Variants in GUCY1A2 observed in about 807,000 individuals in gnomAD.
GUCY1A2 encodes the protein guanylate cyclase 1 soluble subunit alpha 2, also known as guanylate cyclase soluble subunit alpha-2.
A neutral mutation model predicts 63.5 loss-of-function variants in GUCY1A2; 27 were observed. That is an observed-to-expected ratio of 0.43 (90% CI 0.31 to 0.59). The LOEUF (loss-of-function observed/expected upper bound fraction) is 0.59. GUCY1A2 is among the 20% of genes least tolerant of loss of function. GUCY1A2 has a pLI of 0.11. For missense variants in GUCY1A2, 768 were observed against 913.3 expected, an observed-to-expected ratio of 0.84 and a Z score of 2.05; for synonymous variants, 364 against 343.5, an observed-to-expected ratio of 1.06 and a Z score of -0.66.
chr11:107,004,979 T>G (rs965005975), intron 1 of GUCY1A2, among the ~76,000 whole-genome samples: 1 of 152,208 alleles, frequency 6.6e-6, no homozygotes, highest in Non-Finnish European at 1.5e-5. Flanking sequence ...GTTAAAGTCC[T>G]ATGACCATGG....
In GUCY1A2 at chr11:107,017,860, A is replaced by C; in HGVS notation, c.196T>G (p.Ser66Ala). 8.0e-7 allele frequency: 1 copy of C among 1,249,868 alleles called. No individual in the cohort carries two copies. The allele number at this position is 1,249,868 out of a possible 1,614,324, so 77.4% of individuals were successfully genotyped here. Residue 66 changes from serine to alanine, a missense_variant, in exon 1 of 8, where the codon TCT becomes GCT. Transcript: ENST00000526355. Reference protein sequence around the residue: ...AAAPAPTPAASAAAAAATAGA... With the variant: ...AAAPAPTPAAAAAAAAATAGA... ...GCAGTGGCAGCGGCGGCGGCGGCAG[A>C]AGCAGCCGGGGTCGGGGCCGGGGCG...
At chr11:106,793,175 A>G (rs1014233023) in intron 5 of GUCY1A2, among the ~76,000 whole-genome samples, 2 of 152,208 alleles carry the variant, frequency 1.3e-5, no homozygotes, top group Admixed American at 6.5e-5. Flanking sequence ...AAACAGACAC[A>G]TACACCAATG....
At chr11:106,806,256 A>C (rs1433931434) in intron 5 of GUCY1A2, among the ~76,000 whole-genome samples, 2 of 152,186 alleles carry the variant, frequency 1.3e-5, no homozygotes, top group African/African-American at 4.8e-5. Flanking sequence ...CTTATGATGT[A>C]ACTGTGAGAC....
At position 106,738,701 on chromosome 11, in the gene GUCY1A2, TA is replaced by T. The variant is rs1863633770; in HGVS notation, c.1837-30036del. ...AGGTTTGTCAAAGATTAGATGGTGG[TA>T]GATATGTGGCAATATTTCTGAGGCC... is the stretch of plus-strand genomic sequence containing the variant. On this transcript the variant is annotated intron_variant, in intron 6 of 7. Coordinates refer to ENST00000526355, the MANE Select transcript of GUCY1A2 (RefSeq NM_000855.3). Among the ~76,000 whole-genome samples, 3 of 152,302 alleles carry T rather than the reference TA, an allele frequency of 2.0e-5. No homozygotes were observed. The South Asian group carries it at 6.2e-4, about 32-fold the overall frequency.
intron 4 of GUCY1A2, among the ~76,000 whole-genome samples, chr11:106,915,789 T>C (rs1249361174): frequency 6.9e-6 from 1 of 145,260 alleles, no homozygotes; most frequent in African/African-American, 2.4e-5. Flanking sequence ...TATTTGTGCA[T>C]TTTAAATCTC....
At chr11:106,870,122 GGA>G (rs1859656317) in intron 4 of GUCY1A2, among the ~76,000 whole-genome samples, 1 of 113,446 alleles carries the variant, frequency 8.8e-6, no homozygotes, top group Non-Finnish European at 1.8e-5. Context: ...GGGGGAGGGG[GGA>G]GGGATAGCAT....
At position 106,944,163 on chromosome 11, in the gene GUCY1A2, C is replaced by T. The variant is rs557413479; in HGVS notation, c.488-3985G>A. Among the ~76,000 whole-genome samples the T allele has an allele frequency of 2.7e-3, 348 of 131,238 alleles. 13 individuals carry two copies. The highest frequency in any genetic ancestry group is 1.8e-3 in the East Asian group (8 of 4,348). 86.1% of individuals were successfully genotyped at this position (131,238 alleles called of 152,430 possible). The stretch of plus-strand genomic sequence containing the variant: ...CCAGGATGTTGAGGTAGCAGTGACC[C>T]GTGATCATACCACTGCACTCCAGCC... On this transcript the variant is annotated intron_variant, in intron 3 of 7. Coordinates refer to ENST00000526355, the MANE Select transcript of GUCY1A2 (RefSeq NM_000855.3).
intron 7 of GUCY1A2, among the ~76,000 whole-genome samples, chr11:106,701,256 C>T (rs1259243425): frequency 6.6e-6 from 1 of 151,978 alleles, no homozygotes; most frequent in Non-Finnish European, 1.5e-5. Flanking sequence ...TGGAAGCTTC[C>T]ACTTGCCACA....
At chr11:106,809,626 A>G (rs1344825210) in intron 5 of GUCY1A2, among the ~76,000 whole-genome samples, 4 of 152,138 alleles carry the variant, frequency 2.6e-5, no homozygotes, top group Non-Finnish European at 5.9e-5. Flanking sequence ...TTTGTTTTTA[A>G]CTGTCAAAAT....
At chr11:107,016,509 T>C (rs577565218) in intron 1 of GUCY1A2, among the ~76,000 whole-genome samples, 1 of 152,364 alleles carries the variant, frequency 6.6e-6, no homozygotes, top group South Asian at 2.1e-4. Flanking sequence ...TCTGGAAGGA[T>C]GCCTACAACC....
At chr11:106,839,221 G>A (rs541339726) in intron 4 of GUCY1A2, among the ~76,000 whole-genome samples, 3,007 of 151,874 alleles carry the variant, frequency 0.02, 77 homozygotes, top group African/African-American at 0.065. Flanking sequence ...AGCACCATTT[G>A]TTAAATAGGG....
chr11:106,910,776 A>T (rs1212617424), intron 4 of GUCY1A2, among the ~76,000 whole-genome samples: 1 of 152,062 alleles, frequency 6.6e-6, no homozygotes, highest in East Asian at 1.9e-4. Context: ...CCCAATTTGA[A>T]ACATTGGCTG....
rs551066783 is a variant in GUCY1A2, at chr11:106,743,533, C to G, written c.1836+32906G>C. ...TTTCTGCCCAGCACCTGTCTCTCTT[C>G]CTGTCACTCAATTACCCTCCATTGA... On this transcript the variant is annotated intron_variant, in intron 6 of 7. Coordinates refer to ENST00000526355, the MANE Select transcript of GUCY1A2 (RefSeq NM_000855.3). Among the ~76,000 whole-genome samples the G allele has an allele frequency of 3.9e-5, 6 of 152,324 alleles. No homozygotes were observed. In the South Asian group the frequency reaches 1.2e-3, roughly 32 times the overall value.
At chr11:107,014,183 G>A (rs1369440813) in intron 1 of GUCY1A2, among the ~76,000 whole-genome samples, 1 of 147,660 alleles carries the variant, frequency 6.8e-6, no homozygotes, top group Non-Finnish European at 1.5e-5. Flanking sequence ...CTGCCTCCCG[G>A]GTTCAAGCAA....
chr11:106,880,766 CA>C (rs888338733), intron 4 of GUCY1A2, among the ~76,000 whole-genome samples: 16 of 152,008 alleles, frequency 1.1e-4, no homozygotes, highest in African/African-American at 3.9e-4. Context: ...TGTGAATCCA[CA>C]AGGGATATAC....
chr11:106,855,905 A>ATTAT (rs1859425448), intron 4 of GUCY1A2, among the ~76,000 whole-genome samples: 1 of 88,668 alleles, frequency 1.1e-5, no homozygotes, highest in Admixed American at 1.3e-4. Flanking sequence ...TTATTTATTT[A>ATTAT]TTTATTTATT....
chr11:106,682,588 T>G lies in GUCY1A2; in HGVS notation c.*4961A>C. ...TACTTAACTGAAACCGTGATCTGGT[T>G]ATAACATATTAGAAATAAAGACACA... On this transcript the variant is annotated 3_prime_UTR_variant, in exon 8 of 8. Transcript: ENST00000526355. 4.7e-6 allele frequency: 1 copy of G among 212,536 alleles called. No homozygotes were observed. Among genetic ancestry groups the G allele is most frequent in the Middle Eastern group, 1.5e-3 (1 of 684 alleles). The allele number at this position is 212,536 out of a possible 1,614,324, so 13.2% of individuals were successfully genotyped here.
At chr11:106,757,882 G>A (rs182249247) in intron 6 of GUCY1A2, among the ~76,000 whole-genome samples, 8 of 152,352 alleles carry the variant, frequency 5.3e-5, no homozygotes, top group South Asian at 2.1e-4. Context: ...CGAATGTGGT[G>A]TTGGGAGAAC....
At chr11:106,876,853 C>A (rs574290394) in intron 4 of GUCY1A2, among the ~76,000 whole-genome samples, 14 of 152,108 alleles carry the variant, frequency 9.2e-5, no homozygotes, top group African/African-American at 3.4e-4. Context: ...ATAATGGTCC[C>A]CAAAAGATAT....
Sources: gnomAD v4.1 joint callset for allele counts (sites outside exome capture counted in the v4.1 genomes callset) on GRCh38, gnomAD v4.1.1 for gene constraint, MANE v1.5 for transcripts, NCBI Gene and HGNC (gene_info 2026-07-23, HGNC 2026-07-21) for gene names.